PRKN: variants seen among roughly 807,000 people sequenced by gnomAD.
The protein encoded by PRKN is E3 ubiquitin-protein ligase parkin.
PRKN carries 56 observed loss-of-function variants against 59.5 expected under a neutral mutation model. The observed-to-expected ratio is 0.94, with a 90% CI of 0.76 to 1.18. The LOEUF is 1.18. Among genes scored for constraint, PRKN ranks in the 50% most tolerant of loss-of-function variants. The pLI, the probability that PRKN is intolerant of heterozygous loss-of-function variation, is 0.00. For missense variants in PRKN, 657 were observed against 596.4 expected, an observed-to-expected ratio of 1.10 and a Z score of -1.06; for synonymous variants, 250 against 222.1, an observed-to-expected ratio of 1.13 and a Z score of -1.12.
At chr6:161,586,857 A>G (rs1781539969) in intron 7 of PRKN, among the ~76,000 whole-genome samples, 1 of 152,192 alleles carries the variant, frequency 6.6e-6, no homozygotes, top group Non-Finnish European at 1.5e-5. Context: ...CTGATTCTGA[A>G]TCCAGAGCAA....
rs193044872 is a variant in PRKN at position 162,624,115 on chromosome 6, C to A, written c.7+103547G>T. ...TATACAAAATTAACTGGGCATGGTG[C>A]CGCATCCCTGTAGTCCCAGCTACTC... On this transcript the variant is annotated intron_variant, in intron 1 of 11. Transcript: ENST00000366898. Among the ~76,000 whole-genome samples the A allele has an allele frequency of 2.8e-3, 422 of 151,842 alleles. 7 individuals are homozygous for A. The highest frequency in any genetic ancestry group is 0.025 in the Admixed American group (377 of 15,228).
In PRKN at chr6:161,483,001, T is replaced by C. The variant is rs1383008965; in HGVS notation, c.1083+65853A>G. Among the ~76,000 whole-genome samples, 1 of 152,172 alleles carries C rather than the reference T, an allele frequency of 6.6e-6. No homozygotes were observed. Among genetic ancestry groups the C allele is most frequent in the Non-Finnish European group, 1.5e-5 (1 of 68,030 alleles). On this transcript the variant is annotated intron_variant, in intron 9 of 11. Coordinates refer to ENST00000366898, the MANE Select transcript of PRKN (RefSeq NM_004562.3). This position sits in a 1 kb window ranked among gnomAD's most constrained non-coding sequence, Gnocchi z 5.0. Reference sequence around the variant, plus strand: ...ATCTTCACTAAATTTAATCACGAAGTCTGGCAGTACAGAATTCTTCCTTCT... The same window carrying C: ...ATCTTCACTAAATTTAATCACGAAGCCTGGCAGTACAGAATTCTTCCTTCT...
At chr6:162,601,590 T>C (rs1444656982) in intron 1 of PRKN, among the ~76,000 whole-genome samples, 1 of 152,170 alleles carries the variant, frequency 6.6e-6, no homozygotes, top group Admixed American at 6.5e-5. Flanking sequence ...TCTTCCCAAC[T>C]TTCTCTCATA....
chr6:162,595,380 C>T (rs892773842), intron 1 of PRKN, among the ~76,000 whole-genome samples: 4 of 151,388 alleles, frequency 2.6e-5, no homozygotes, highest in Non-Finnish European at 5.9e-5. Context: ...CTCAGCCTCC[C>T]AAGTAGCTGG....
chr6:161,602,925 C>G (rs1006840907), intron 7 of PRKN, among the ~76,000 whole-genome samples: 44 of 152,178 alleles, frequency 2.9e-4, no homozygotes, highest in African/African-American at 1.1e-3. Flanking sequence ...CAGTAAGAGG[C>G]AGACTGATAA....
intron 1 of PRKN, among the ~76,000 whole-genome samples, chr6:162,716,915 C>A (rs1402641691): frequency 1.3e-5 from 2 of 152,160 alleles, no homozygotes; most frequent in Non-Finnish European, 2.9e-5. Flanking sequence ...AGTACCTAAC[C>A]ATACGTTCAA....
intron 2 of PRKN, among the ~76,000 whole-genome samples, chr6:162,296,161 A>G (rs1781664106): frequency 6.6e-6 from 1 of 152,058 alleles, no homozygotes; most frequent in Non-Finnish European, 1.5e-5. Context: ...ATGGAGGAGA[A>G]AGACCAAGAG....
intron 2 of PRKN, among the ~76,000 whole-genome samples, chr6:162,411,277 A>C (rs556324175): frequency 4.6e-5 from 7 of 152,344 alleles, no homozygotes; most frequent in African/African-American, 1.7e-4. Flanking sequence ...TAATTAGGAA[A>C]ATAAGGTATC....
At chr6:161,570,146 AATATAT>A (rs1554277877) in intron 7 of PRKN, among the ~76,000 whole-genome samples, 12 of 76,584 alleles carry the variant, frequency 1.6e-4, no homozygotes, top group African/African-American at 2.1e-4. Flanking sequence ...AAAAAAAAAA[AATATAT>A]ATATATATAT....
At chr6:161,908,817 G>A (rs966251551) in intron 6 of PRKN, among the ~76,000 whole-genome samples, 1 of 151,898 alleles carries the variant, frequency 6.6e-6, no homozygotes, top group Non-Finnish European at 1.5e-5. Context: ...ACATTTAATT[G>A]GCAAACAAGA....
intron 1 of PRKN, among the ~76,000 whole-genome samples, chr6:162,714,911 A>C (rs1270430723): frequency 6.6e-6 from 1 of 152,204 alleles, no homozygotes; most frequent in Non-Finnish European, 1.5e-5. Context: ...CTTCCCTCTA[A>C]GGGCAAGCAT....
intron 1 of PRKN, among the ~76,000 whole-genome samples, chr6:162,707,085 T>A (rs1030319532): frequency 4.0e-5 from 6 of 151,732 alleles, no homozygotes; most frequent in Non-Finnish European, 7.4e-5. Flanking sequence ...AATTCTAAGT[T>A]AAATTTCTAA....
intron 7 of PRKN, among the ~76,000 whole-genome samples, chr6:161,680,326 T>A (rs1324764906): frequency 6.6e-6 from 1 of 152,134 alleles, no homozygotes; most frequent in Non-Finnish European, 1.5e-5. Context: ...TTAACACGCC[T>A]TAATAAACAA....
intron 1 of PRKN, among the ~76,000 whole-genome samples, chr6:162,493,208 A>G (rs187437547): frequency 7.2e-5 from 11 of 152,290 alleles, no homozygotes; most frequent in South Asian, 4.1e-4. Flanking sequence ...CTTTATGTAG[A>G]GGAAGAGAGA....
At chr6:161,774,424 ACACACACACG>A (rs1280641505) in intron 7 of PRKN, among the ~76,000 whole-genome samples, 291 of 139,706 alleles carry the variant, frequency 2.1e-3, no homozygotes, top group African/African-American at 7.1e-3. Flanking sequence ...ACACACACAC[ACACACACACG>A]GCGTGGCTAG....
rs566466344 is a variant in PRKN at position 162,452,470 on chromosome 6, G to A, written c.8-8997C>T. The stretch of plus-strand genomic sequence containing the variant: ...TATGTATGCCAAGTATGGCATAATA[G>A]GTGCGGGGTAAATATGGGTCTTTTA... On this transcript the variant is annotated intron_variant, in intron 1 of 11. Transcript: ENST00000366898. Among the ~76,000 whole-genome samples the A allele has an allele frequency of 3.3e-5, 5 of 150,958 alleles. No homozygotes were observed. The East Asian group carries it at 9.7e-4, about 29-fold the overall frequency.
chr6:161,858,858 C>CTTTTTTATTTTTTTTTTT (rs1793765910), intron 6 of PRKN, among the ~76,000 whole-genome samples: 1 of 71,936 alleles, frequency 1.4e-5, no homozygotes, highest in Non-Finnish European at 2.7e-5. Flanking sequence ...CACAGCTGTA[C>CTTTTTTATTTTTTTTTTT]TTTTTTTTTT....
chr6:162,019,179 A>G (rs1220475805), intron 5 of PRKN, among the ~76,000 whole-genome samples: 1 of 152,202 alleles, frequency 6.6e-6, no homozygotes, highest in African/African-American at 2.4e-5. Flanking sequence ...AACATGAGGT[A>G]CACAGAGACC....
intron 9 of PRKN, among the ~76,000 whole-genome samples, chr6:161,430,152 G>A (rs73606952): frequency 2.0e-5 from 3 of 152,130 alleles, no homozygotes; most frequent in Admixed American, 1.3e-4. Flanking sequence ...TCAACAGAGG[G>A]AGACATTGTC....
Sources: gnomAD v4.1 joint callset for allele counts (sites outside exome capture counted in the v4.1 genomes callset) on GRCh38, gnomAD v4.1.1 for gene constraint, Gnocchi (gnomAD v3.1) non-coding constraint, MANE v1.5 for transcripts, NCBI Gene and HGNC (gene_info 2026-07-23, HGNC 2026-07-21) for gene names.